The following C1QTNF1 variants were observed in gnomAD, a reference collection of about 807,000 sequenced individuals.
The protein encoded by C1QTNF1 is complement C1q tumor necrosis factor-related protein 1.
Under a neutral mutation model 27.8 loss-of-function variants are expected in C1QTNF1, and 22 were observed. That is an observed-to-expected ratio of 0.79 (90% CI 0.56 to 1.13). The LOEUF (loss-of-function observed/expected upper bound fraction) is 1.13, where lower values mean the gene tolerates loss of function less well. Ranked by LOEUF, C1QTNF1 falls within the 50% of genes most tolerant of loss-of-function variation. The pLI is 0.00. For missense variants in C1QTNF1, 373 were observed against 380.2 expected, an observed-to-expected ratio of 0.98 and a Z score of 0.16; for synonymous variants, 166 against 154.3, an observed-to-expected ratio of 1.08 and a Z score of -0.56.
rs2072661418 is a variant in C1QTNF1, at chr17:79,048,376, G to A, written c.*288G>A. On this transcript the variant is annotated 3_prime_UTR_variant, in exon 4 of 4. Coordinates refer to ENST00000579760, the MANE Select transcript of C1QTNF1 (RefSeq NM_030968.5). ...TGACCCCGCACGGCGAGACGCGGGT[G>A]GCGGCAGGGCGTCCCAGGGTGCGGC... 1 of 357,886 alleles carries A rather than the reference G, an allele frequency of 2.8e-6. No individual in the cohort carries two copies. Among genetic ancestry groups the A allele is most frequent in the South Asian group, 1.0e-4 (1 of 9,610 alleles). The allele number at this position is 357,886 out of a possible 1,614,324, so 22.2% of individuals were successfully genotyped here.
At chr17:79,041,357 G>C (rs2072403374) in intron 1 of C1QTNF1, among the ~76,000 whole-genome samples, 1 of 152,182 alleles carries the variant, frequency 6.6e-6, no homozygotes, top group African/African-American at 2.4e-5. Flanking sequence ...GAGGTTCGGG[G>C]GGGCCAGCCT....
intron 1 of C1QTNF1, among the ~76,000 whole-genome samples, chr17:79,037,378 C>T (rs967934702): frequency 6.6e-6 from 1 of 152,200 alleles, no homozygotes; most frequent in Non-Finnish European, 1.5e-5. Flanking sequence ...ATCCACCCGC[C>T]TCGGCCTCCC....
chr17:79,046,958 T>C lies in C1QTNF1; in HGVS notation c.295+264T>C. 2.0e-6 allele frequency: 1 copy of C among 512,124 alleles called. No individual in the cohort carries two copies. Among genetic ancestry groups the C allele is most frequent in the Admixed American group, 3.4e-5 (1 of 29,816 alleles). 31.7% of individuals were successfully genotyped at this position (512,124 alleles called of 1,614,324 possible). A position where few individuals can be genotyped will look rare whatever the true frequency, so the allele number is the denominator to read the frequency against. On this transcript the variant is annotated intron_variant, in intron 3 of 3. Transcript: ENST00000579760. This position sits in a 1 kb window ranked among gnomAD's most constrained non-coding sequence, Gnocchi z 4.8. ...GGGAGCCCAGAGGCTACTCGGGGTC[T>C]CGTCCCTCCAGTTGTATGTGGACGC...
chr17:79,047,238 C>CTTTCT (rs1555672720), intron 3 of C1QTNF1: 33 of 277,610 alleles, frequency 1.2e-4, no homozygotes, highest in African/African-American at 7.9e-4. Context: ...TTTTTCTTTT[C>CTTTCT]TTTTTTTTTT....
At chr17:79,028,212 C>A (rs192606658) in intron 1 of C1QTNF1, among the ~76,000 whole-genome samples, 34 of 152,258 alleles carry the variant, frequency 2.2e-4, no homozygotes, top group African/African-American at 6.0e-4. Flanking sequence ...TTCTTGGTGC[C>A]CTGTGCTGGG....
Position 79,048,341 on chromosome 17 carries a change from C to T in C1QTNF1, c.*253C>T, listed in dbSNP as rs1301822720. ...GACCTTCCGCGGCCCTCTCTGCACA[C>T]ATCCTCAAGTGACCCCGCACGGCGA... On this transcript the variant is annotated 3_prime_UTR_variant, in exon 4 of 4. Coordinates refer to ENST00000579760, the MANE Select transcript of C1QTNF1 (RefSeq NM_030968.5). 11 of 435,468 alleles carry T rather than the reference C, an allele frequency of 2.5e-5. No homozygotes were observed. Among genetic ancestry groups the T allele is most frequent in the Non-Finnish European group, 4.0e-5 (10 of 249,720 alleles). 27.0% of individuals were successfully genotyped at this position (435,468 alleles called of 1,614,324 possible).
At chr17:79,027,593 T>A (rs1270700599) in intron 1 of C1QTNF1, 8 of 152,280 alleles carry the variant, frequency 5.3e-5, no homozygotes, top group Non-Finnish European at 1.0e-4. Flanking sequence ...CTCACTCCTT[T>A]CCTCCTTCCC....
At chr17:79,037,086 C>A (rs2072280595) in intron 1 of C1QTNF1, among the ~76,000 whole-genome samples, 1 of 152,104 alleles carries the variant, frequency 6.6e-6, no homozygotes, top group South Asian at 2.1e-4. Flanking sequence ...ATAACAGGAC[C>A]CACTTATTTG....
At chr17:79,044,952 A>G (rs748055011) in intron 2 of C1QTNF1, among the ~76,000 whole-genome samples, 3 of 152,140 alleles carry the variant, frequency 2.0e-5, no homozygotes, top group Non-Finnish European at 4.4e-5. Flanking sequence ...CCCTCCTATC[A>G]GTCAGGCCAT....
At chr17:79,031,003 CTTTTCT>C (rs1314152147) in intron 1 of C1QTNF1, among the ~76,000 whole-genome samples, 1 of 148,514 alleles carries the variant, frequency 6.7e-6, no homozygotes, top group African/African-American at 2.5e-5. Context: ...TATTTCTTTT[CTTTTCT>C]TTTTTTTTTT....
intron 1 of C1QTNF1, among the ~76,000 whole-genome samples, chr17:79,039,025 G>A (rs560410248): frequency 6.6e-6 from 1 of 152,192 alleles, no homozygotes; most frequent in Non-Finnish European, 1.5e-5. Flanking sequence ...CTCTGCTGGG[G>A]TTTCCCAGCC....
At chr17:79,028,476 T>C (rs910945765) in intron 1 of C1QTNF1, among the ~76,000 whole-genome samples, 1 of 152,020 alleles carries the variant, frequency 6.6e-6, no homozygotes, top group African/African-American at 2.4e-5. Context: ...GGGACAGAGG[T>C]GTGTTCAGAA....
intron 1 of C1QTNF1, chr17:79,026,013 C>G (rs986167374): frequency 8.2e-6 from 2 of 244,348 alleles, no homozygotes; most frequent in African/African-American, 4.7e-5. Context: ...ATAGTTAATT[C>G]TCAACACTTC....
At chr17:79,032,620 A>G (rs952648304) in intron 1 of C1QTNF1, among the ~76,000 whole-genome samples, 1 of 152,166 alleles carries the variant, frequency 6.6e-6, no homozygotes, top group Non-Finnish European at 1.5e-5. Flanking sequence ...GGCGGGTGCA[A>G]GGAAGGTGGC....
rs543952722 is a variant in C1QTNF1 at position 79,049,418 on chromosome 17, G to A, written c.*1330G>A. ...CAGGACCAGCTGGAGCAGGGTTGCG[G>A]TGTCTCCACGGTGCTCTCGCCCTGC... On this transcript the variant is annotated 3_prime_UTR_variant, in exon 4 of 4. Transcript: ENST00000579760. The surrounding 1 kb of genome is among the most constrained non-coding windows in gnomAD (Gnocchi z 4.4). 6.6e-6 allele frequency: 1 copy of A among 152,314 alleles called. No individual in the cohort carries two copies. Among genetic ancestry groups the A allele is most frequent in the Admixed American group, 6.5e-5 (1 of 15,278 alleles). The allele number at this position is 152,314 out of a possible 1,614,324, so 9.4% of individuals were successfully genotyped here.
chr17:79,037,121 ATT>A (rs201856610), intron 1 of C1QTNF1, among the ~76,000 whole-genome samples: 10 of 151,328 alleles, frequency 6.6e-5, no homozygotes, highest in African/African-American at 2.2e-4. Context: ...ATGCCCAGCT[ATT>A]TTTTTGTTTT....
At chr17:79,029,592 G>C (rs527554383) in intron 1 of C1QTNF1, among the ~76,000 whole-genome samples, 72 of 152,220 alleles carry the variant, frequency 4.7e-4, no homozygotes, top group African/African-American at 1.7e-3. Flanking sequence ...GCTACTCCTG[G>C]GTCCAGGAAC....
At chr17:79,045,082 A>G (rs2072532443) in intron 2 of C1QTNF1, among the ~76,000 whole-genome samples, 1 of 152,090 alleles carries the variant, frequency 6.6e-6, no homozygotes, top group African/African-American at 2.4e-5. Flanking sequence ...GTAGGGGTGT[A>G]CCCATGACGC....
At chr17:79,041,770 C>CA (rs56962929) in intron 1 of C1QTNF1, 15,865 of 77,484 alleles carry the variant, frequency 0.2, 1,347 homozygotes, top group African/African-American at 0.26. Context: ...GACTCCATCT[C>CA]AAAAAAAAAA....
Sources: allele counts gnomAD v4.1 joint callset (sites outside exome capture counted in the v4.1 genomes callset), GRCh38; gene constraint gnomAD v4.1.1; non-coding constraint Gnocchi (gnomAD v3.1); transcripts MANE v1.5; gene names NCBI Gene and HGNC (gene_info 2026-07-23, HGNC 2026-07-21).